Variants in KIF13B observed in about 807,000 individuals in gnomAD.
KIF13B encodes kinesin family member 13B, also known as kinesin-like protein KIF13B.
Under a neutral mutation model 222.0 loss-of-function variants are expected in KIF13B, and 127 were observed. That is an observed-to-expected ratio of 0.57 (90% CI 0.50 to 0.66). The LOEUF is 0.66. Ranked by LOEUF, KIF13B falls within the 30% of genes least tolerant of loss-of-function variation. KIF13B has a pLI of 0.00. For missense variants in KIF13B, 2,173 were observed against 2,379.0 expected, an observed-to-expected ratio of 0.91 and a Z score of 1.80; for synonymous variants, 976 against 919.0, an observed-to-expected ratio of 1.06 and a Z score of -1.12.
chr8:29,258,946 G>A (rs1350938270), intron 1 of KIF13B, among the ~76,000 whole-genome samples: 2 of 152,220 alleles, frequency 1.3e-5, no homozygotes, highest in Non-Finnish European at 2.9e-5. Flanking sequence ...GATGGTAACA[G>A]GCAACCCTAA....
At chr8:29,248,685 C>T (rs887347413) in intron 1 of KIF13B, among the ~76,000 whole-genome samples, 4 of 152,092 alleles carry the variant, frequency 2.6e-5, no homozygotes, top group Non-Finnish European at 5.9e-5. Flanking sequence ...AGCTACAATT[C>T]GAGATGGGAT....
chr8:29,141,379 T>C (rs1355126842), intron 19 of KIF13B, among the ~76,000 whole-genome samples: 3 of 152,138 alleles, frequency 2.0e-5, no homozygotes, highest in African/African-American at 7.2e-5. Context: ...CTTTCATTAT[T>C]TATTACTGTT....
rs1811745098 is a variant in KIF13B, at chr8:29,160,837, T to C, written c.1300A>G (p.Ile434Val). The C allele has an allele frequency of 6.2e-7, 1 of 1,613,524 alleles. No individual in the cohort carries two copies. The highest frequency in any genetic ancestry group is 8.5e-7 in the Non-Finnish European group (1 of 1,179,554). The part of the protein sequence containing the change: ...ERQKQLESLG[I>V]SLQSSGIKVG... Reference sequence around the variant, plus strand: ...TTGATTCCCGAAGACTGAAGAGATATTCCAAGACTCTCAAGCTGTTTCTGT... The same window carrying C: ...TTGATTCCCGAAGACTGAAGAGATACTCCAAGACTCTCAAGCTGTTTCTGT... Residue 434 changes from isoleucine (I) to valine (V), a missense_variant, in exon 13 of 40, where the codon ATA (isoleucine) becomes GTA (valine). Transcript: ENST00000524189.
intron 33 of KIF13B, 23 bp downstream of exon 33, chr8:29,109,895 C>T (rs1349316545): frequency 1.2e-6 from 2 of 1,611,192 alleles, no homozygotes; most frequent in African/African-American, 2.7e-5. Context: ...CTGCTGCCCG[C>T]CCTATCCATG....
upstream of KIF13B, chr8:29,263,075 C>G: frequency 6.7e-7 from 1 of 1,484,224 alleles, no homozygotes; most frequent in Non-Finnish European, 9.0e-7. Flanking sequence ...CCGTCTGCCG[C>G]GGCCACCGGC....
intron 3 of KIF13B, among the ~76,000 whole-genome samples, chr8:29,193,075 C>A (rs1813259749): frequency 6.6e-6 from 1 of 152,084 alleles, no homozygotes; most frequent in Admixed American, 6.5e-5. Flanking sequence ...AGGATCGGCA[C>A]ACCTGCATCT....
At chr8:29,228,466 T>TAAAAAAAAAAAA (rs71551621) in intron 2 of KIF13B, among the ~76,000 whole-genome samples, 23 of 68,250 alleles carry the variant, frequency 3.4e-4, no homozygotes, top group Admixed American at 6.3e-4. Flanking sequence ...GACTCCATCT[T>TAAAAAAAAAAAA]AAAAAAATAT....
intron 4 of KIF13B, 89 bp downstream of exon 4, chr8:29,190,908 G>T: frequency 1.1e-6 from 1 of 949,306 alleles, no homozygotes; most frequent in Non-Finnish European, 1.7e-6. Flanking sequence ...ACACAGTTTG[G>T]GGGGTTTGCC....
At chr8:29,158,711 G>A (rs1346580937) in intron 13 of KIF13B, among the ~76,000 whole-genome samples, 2 of 152,304 alleles carry the variant, frequency 1.3e-5, no homozygotes, top group Middle Eastern at 3.4e-3. Flanking sequence ...TTGTCTTGAA[G>A]ATATGCTTGC....
intron 2 of KIF13B, among the ~76,000 whole-genome samples, chr8:29,241,853 A>ATTTT (rs34946980): frequency 6.6e-6 from 1 of 152,016 alleles, no homozygotes; most frequent in Non-Finnish European, 1.5e-5. Context: ...GAGACAAAAT[A>ATTTT]TTTTTTTTAA....
chr8:29,242,127 G>T (rs1052739569), intron 2 of KIF13B, among the ~76,000 whole-genome samples: 2 of 152,096 alleles, frequency 1.3e-5, no homozygotes, highest in African/African-American at 4.8e-5. Context: ...AGCAAGAAAG[G>T]CCTGTTTGGT....
At position 29,130,534 on chromosome 8, in the gene KIF13B, T is replaced by C; in HGVS notation, c.3074A>G (p.Gln1025Arg). ...VPTGGIFQLR[Q>R]GQSRRVQVEV... Reference sequence around the variant, plus strand: ...TGTAAACATTCACAATCTTGTTACCTGCCGGAGCTGGAAGATTCCTCCTGT... The same window carrying C: ...TGTAAACATTCACAATCTTGTTACCCGCCGGAGCTGGAAGATTCCTCCTGT... Residue 1025 changes from glutamine to arginine, a missense_variant and splice_region_variant, in exon 24 of 40, where the codon CAG (glutamine) becomes CGG (arginine). This residue lies in a region of KIF13B where 1,480 missense variants were observed against 1,722.8 expected (regional missense o/e 0.86). Transcript: ENST00000524189. 1 of 1,613,790 alleles carries C rather than the reference T, an allele frequency of 6.2e-7. No homozygotes were observed. The highest frequency in any genetic ancestry group is 8.5e-7 in the Non-Finnish European group (1 of 1,179,720).
rs761796459 is a variant in KIF13B at position 29,132,499 on chromosome 8, CTCTT to C, written c.2785-38_2785-35del. 4 of 1,360,528 alleles carry C rather than the reference CTCTT, an allele frequency of 2.9e-6. No homozygotes were observed. In the Admixed American group the frequency reaches 8.3e-5, roughly 28 times the overall value. The allele number at this position is 1,360,528 out of a possible 1,614,324, so 84.3% of individuals were successfully genotyped here. A position where few individuals can be genotyped will look rare whatever the true frequency, so the allele number is the denominator to read the frequency against. ...CAACAGCTAATTACAGAAGAGCAAA[CTCTT>C]TCTGGTAATCTTATGATTGTTTATA... is the stretch of plus-strand genomic sequence containing the variant. On this transcript the variant is annotated intron_variant, in intron 22 of 39. Coordinates refer to ENST00000524189, the MANE Select transcript of KIF13B (RefSeq NM_015254.4).
At position 29,109,503 on chromosome 8, in the gene KIF13B, T is replaced by C. The variant is rs1250813730; in HGVS notation, c.4092A>G (p.Ala1364=). ...LTLDRLRQEV[A]VKEQLTGKGK... ...CTTTTCCTGTTAACTGTTCCTTCAC[T>C]GCAACTTCCTGTGAATCAGAAAACA... Residue 1364 remains alanine (A), a synonymous_variant, in exon 34 of 40, where the codon GCA becomes GCG. Coordinates refer to ENST00000524189, the MANE Select transcript of KIF13B (RefSeq NM_015254.4). The C allele has an allele frequency of 6.2e-7, 1 of 1,613,204 alleles. No individual in the cohort carries two copies. The highest frequency in any genetic ancestry group is 8.5e-7 in the Non-Finnish European group (1 of 1,179,256).
intron 7 of KIF13B, among the ~76,000 whole-genome samples, chr8:29,180,755 G>A (rs1812677664): frequency 6.6e-6 from 1 of 151,554 alleles, no homozygotes; most frequent in Admixed American, 6.6e-5. Flanking sequence ...CCACTTGGTT[G>A]CTACTACTAC....
At chr8:29,240,521 T>A (rs1410972494) in intron 2 of KIF13B, among the ~76,000 whole-genome samples, 1 of 152,246 alleles carries the variant, frequency 6.6e-6, no homozygotes, top group Non-Finnish European at 1.5e-5. Flanking sequence ...AACTGATAGG[T>A]ACATAAAAGT....
chr8:29,251,013 T>C (rs999735320), intron 1 of KIF13B, among the ~76,000 whole-genome samples: 5 of 152,020 alleles, frequency 3.3e-5, no homozygotes, highest in African/African-American at 1.2e-4. Flanking sequence ...TAGCCGGGCG[T>C]GGAGGTGGGA....
intron 10 of KIF13B, among the ~76,000 whole-genome samples, chr8:29,173,068 C>T (rs1000267892): frequency 5.3e-5 from 8 of 152,030 alleles, no homozygotes; most frequent in South Asian, 4.1e-4. Flanking sequence ...GCATGCACCA[C>T]CACACCCAGC....
At chr8:29,176,907 A>G (rs1281047474) in intron 9 of KIF13B, among the ~76,000 whole-genome samples, 3 of 152,212 alleles carry the variant, frequency 2.0e-5, no homozygotes, top group African/African-American at 7.2e-5. Context: ...AGCTTCTTGG[A>G]CTTGGACAAG....
Sources: allele counts gnomAD v4.1 joint callset (sites outside exome capture counted in the v4.1 genomes callset), GRCh38; gene constraint gnomAD v4.1.1; regional missense constraint gnomAD v4.1.1; transcripts MANE v1.5; gene names NCBI Gene and HGNC (gene_info 2026-07-23, HGNC 2026-07-21).